MEMO1: variants seen among roughly 807,000 people sequenced by gnomAD.
The protein encoded by MEMO1 is mediator of cell motility 1.
Under a neutral mutation model 45.2 loss-of-function variants are expected in MEMO1, and 6 were observed. The observed-to-expected ratio is 0.13, with a 90% CI of 0.07 to 0.26. MEMO1 has a LOEUF of 0.26. Ranked by LOEUF, MEMO1 falls within the 10% of genes least tolerant of loss-of-function variation. The pLI, the probability that MEMO1 is intolerant of heterozygous loss-of-function variation, is 1.00. For synonymous variants in MEMO1, 78 were observed against 124.3 expected (o/e 0.63, Z 2.48); for missense variants, 184 against 370.5 (o/e 0.50, Z 4.13).
intron 2 of MEMO1, among the ~76,000 whole-genome samples, chr2:31,972,589 T>C (rs2148466751): frequency 6.6e-6 from 1 of 152,184 alleles, no homozygotes; most frequent in South Asian, 2.1e-4. Context: ...TGTGCACCTG[T>C]AGTCCCAGCT....
chr2:31,980,347 T>C (rs1670492787), intron 2 of MEMO1, among the ~76,000 whole-genome samples: 1 of 152,164 alleles, frequency 6.6e-6, no homozygotes, highest in South Asian at 2.1e-4. Flanking sequence ...ACAGGAGGAC[T>C]GCTTGAACCC....
At chr2:31,902,685 G>C (rs1166480533) in intron 6 of MEMO1, among the ~76,000 whole-genome samples, 3 of 152,064 alleles carry the variant, frequency 2.0e-5, no homozygotes, top group African/African-American at 7.2e-5. Flanking sequence ...TGCAGGAAAT[G>C]TATCAATCCA....
At chr2:32,009,100 A>C (rs1426957416) in intron 2 of MEMO1, among the ~76,000 whole-genome samples, 1 of 151,988 alleles carries the variant, frequency 6.6e-6, no homozygotes, top group East Asian at 1.9e-4. Flanking sequence ...TAATCCCAGA[A>C]AACAGGCATT....
chr2:31,904,418 A>G (rs77784603), intron 6 of MEMO1, among the ~76,000 whole-genome samples: 29 of 152,332 alleles, frequency 1.9e-4, no homozygotes, highest in African/African-American at 3.8e-4. Context: ...CCAGTCCCCA[A>G]TAAAAATCCT....
chr2:31,965,889 T>G (rs943136283), intron 2 of MEMO1, among the ~76,000 whole-genome samples: 1 of 152,108 alleles, frequency 6.6e-6, no homozygotes, highest in African/African-American at 2.4e-5. Flanking sequence ...AGGTGATGGG[T>G]TGACAGGTGC....
intron 6 of MEMO1, among the ~76,000 whole-genome samples, chr2:31,904,405 T>C (rs1245016033): frequency 2.0e-5 from 3 of 152,218 alleles, no homozygotes; most frequent in Admixed American, 6.5e-5. Flanking sequence ...AATGCCTACA[T>C]GACCAGTCCC....
At chr2:31,891,863 C>T in intron 7 of MEMO1, 129 bp downstream of exon 7, 1 of 932,102 alleles carries the variant, frequency 1.1e-6, no homozygotes, top group Non-Finnish European at 1.6e-6. Flanking sequence ...CACTTTTAAA[C>T]ACTGCTGCCA....
chr2:31,938,786 AT>A (rs398042391), intron 3 of MEMO1, among the ~76,000 whole-genome samples: 4,679 of 138,704 alleles, frequency 0.034, 68 homozygotes, highest in African/African-American at 0.046. Context: ...ATAGAACAAT[AT>A]TTTTTTTTTT....
chr2:32,000,349 G>A (rs1280190024), intron 2 of MEMO1, among the ~76,000 whole-genome samples: 1 of 151,854 alleles, frequency 6.6e-6, no homozygotes, highest in African/African-American at 2.4e-5. Context: ...TCTCGCCGCA[G>A]CCTCCCAAGT....
intron 2 of MEMO1, among the ~76,000 whole-genome samples, chr2:31,990,876 G>A (rs964174769): frequency 6.6e-6 from 1 of 152,090 alleles, no homozygotes; most frequent in South Asian, 2.1e-4. Context: ...ACATTTCGCT[G>A]AGACTAGCAA....
intron 4 of MEMO1, 62 bp downstream of exon 4, chr2:31,932,005 T>A: frequency 7.0e-7 from 1 of 1,438,304 alleles, no homozygotes; most frequent in South Asian, 1.2e-5. Flanking sequence ...AGCAAATTAC[T>A]TCTATAACAA....
chr2:32,010,742 G>C (rs1452442611), intron 1 of MEMO1, among the ~76,000 whole-genome samples, 200 bp downstream of exon 1: 3 of 139,744 alleles, frequency 2.1e-5, no homozygotes, highest in Admixed American at 7.0e-5. Context: ...CAGCCCGGCC[G>C]CCCGCCGCCG....
chr2:31,981,786 A>G (rs1296851747), intron 2 of MEMO1, among the ~76,000 whole-genome samples: 1 of 152,252 alleles, frequency 6.6e-6, no homozygotes, highest in Admixed American at 6.5e-5. Flanking sequence ...AGACTGCTAC[A>G]AACAGGCATA....
intron 6 of MEMO1, among the ~76,000 whole-genome samples, chr2:31,895,213 G>GA (rs1176659918): frequency 6.6e-6 from 1 of 152,062 alleles, no homozygotes; most frequent in Non-Finnish European, 1.5e-5. Context: ...AGTTCCAAAA[G>GA]AAATTATAAG....
At chr2:31,941,008 C>T (rs1331297481) in intron 3 of MEMO1, among the ~76,000 whole-genome samples, 1 of 152,174 alleles carries the variant, frequency 6.6e-6, no homozygotes. Flanking sequence ...TCCCTGTTCC[C>T]ACATAATATA....
Position 31,869,959 on chromosome 2 carries a change from A to G in MEMO1, c.658-7T>C. The stretch of plus-strand genomic sequence containing the variant: ...GTTCTATAATACTCATACCCTAAAA[A>G]AAAAAAAAAAGAAGAGGAAGAAAAA... On this transcript the variant is annotated splice_polypyrimidine_tract_variant and splice_region_variant and intron_variant, in intron 8 of 9. Transcript: ENST00000404530. 6.8e-7 allele frequency: 1 copy of G among 1,475,134 alleles called. No individual in the cohort carries two copies. The highest frequency in any genetic ancestry group is 9.0e-7 in the Non-Finnish European group (1 of 1,115,486). The allele number at this position is 1,475,134 out of a possible 1,614,324, so 91.4% of individuals were successfully genotyped here. A position where few individuals can be genotyped will look rare whatever the true frequency, so the allele number is the denominator to read the frequency against.
Position 31,988,916 on chromosome 2 carries a change from A to G in MEMO1, c.61+21271T>C, listed in dbSNP as rs547389502. ...CTGAAAGTTATTTCCTTGAAAATGA[A>G]TAGTGGGCAGCCAGGCATGGTGGCT... On this transcript the variant is annotated intron_variant, in intron 2 of 9. Transcript: ENST00000404530. 6.3e-4 allele frequency among the ~76,000 whole-genome samples: 96 copies of G among 152,136 alleles called. 1 individual carries two copies. Among genetic ancestry groups the G allele is most frequent in the Admixed American group, 3.2e-3 (49 of 15,274 alleles).
chr2:31,968,981 T>C (rs932460824), intron 2 of MEMO1, among the ~76,000 whole-genome samples: 16 of 152,048 alleles, frequency 1.1e-4, no homozygotes, highest in Non-Finnish European at 4.4e-5. Context: ...CTAAGAAGTT[T>C]AAAATACCAA....
chr2:31,941,736 C>T (rs1373176515), intron 3 of MEMO1, among the ~76,000 whole-genome samples: 2 of 151,984 alleles, frequency 1.3e-5, no homozygotes, highest in Non-Finnish European at 2.9e-5. Flanking sequence ...AGCTGAAATC[C>T]CAACAGATAA....
Sources: gnomAD v4.1 joint callset for allele counts (sites outside exome capture counted in the v4.1 genomes callset) on GRCh38, gnomAD v4.1.1 for gene constraint, MANE v1.5 for transcripts, NCBI Gene and HGNC (gene_info 2026-07-23, HGNC 2026-07-21) for gene names.